SLC35F4: variants seen among roughly 807,000 people sequenced by gnomAD.
SLC35F4 encodes the protein chromosome 14 open reading frame 36.
A neutral mutation model predicts 44.2 loss-of-function variants in SLC35F4; 24 were observed. That is an observed-to-expected ratio of 0.54 (90% CI 0.39 to 0.76). The LOEUF is 0.76. SLC35F4 is among the 30% of genes least tolerant of loss of function. The pLI is 0.00. For synonymous variants in SLC35F4, 238 were observed against 223.6 expected, an observed-to-expected ratio of 1.06 and a Z score of -0.57; for missense variants, 562 against 586.1, an observed-to-expected ratio of 0.96 and a Z score of 0.42.
At chr14:57,609,588 T>A (rs1212695344) in intron 1 of SLC35F4, among the ~76,000 whole-genome samples, 2 of 152,244 alleles carry the variant, frequency 1.3e-5, no homozygotes, top group African/African-American at 4.8e-5. Flanking sequence ...GAATGCTTAA[T>A]GTGCTGTTGC....
chr14:57,768,569 C>A (rs764470371), intron 1 of SLC35F4, among the ~76,000 whole-genome samples: 4 of 152,208 alleles, frequency 2.6e-5, no homozygotes, highest in Middle Eastern at 3.2e-3. Flanking sequence ...TCCTACAAAT[C>A]CAAATTCTCG....
chr14:57,911,959 A>G (rs1889224146), intron 1 of SLC35F4, among the ~76,000 whole-genome samples: 1 of 152,036 alleles, frequency 6.6e-6, no homozygotes, highest in African/African-American at 2.4e-5. Context: ...TTTATTTAAC[A>G]GGTATAGGCT....
chr14:57,896,399 A>T (rs535571870), intron 1 of SLC35F4, among the ~76,000 whole-genome samples: 1 of 152,292 alleles, frequency 6.6e-6, no homozygotes, highest in South Asian at 2.1e-4. Flanking sequence ...AACAAGCAAA[A>T]CTAATTTATG....
At chr14:57,611,066 CTG>C (rs1219337152) in intron 1 of SLC35F4, among the ~76,000 whole-genome samples, 2 of 152,218 alleles carry the variant, frequency 1.3e-5, no homozygotes, top group Admixed American at 6.5e-5. Context: ...TATGGGCAAA[CTG>C]GGACTTAAAG....
upstream of SLC35F4, among the ~76,000 whole-genome samples, chr14:57,870,790 CTCTCCATTCACACTCT>C (rs1182423698): frequency 4.6e-5 from 7 of 152,232 alleles, no homozygotes; most frequent in South Asian, 6.2e-4. Flanking sequence ...TACACTTTCA[CTCTCCATTCACACTCT>C]TGGAGCTTCA....
At chr14:57,571,023 A>G (rs978137421) in intron 5 of SLC35F4, among the ~76,000 whole-genome samples, 1 of 152,204 alleles carries the variant, frequency 6.6e-6, no homozygotes, top group African/African-American at 2.4e-5. Context: ...CAATATGGAA[A>G]TAGACTTCAT....
chr14:57,695,898 ATAT>A (rs1427409822), intron 1 of SLC35F4, among the ~76,000 whole-genome samples: 1 of 152,216 alleles, frequency 6.6e-6, no homozygotes, highest in Non-Finnish European at 1.5e-5. Context: ...GGAGACTTTT[ATAT>A]TATTATTTTC....
rs148063179 is a variant in SLC35F4 at position 57,658,811 on chromosome 14, C to T, written c.104-64687G>A. 2.0e-3 allele frequency among the ~76,000 whole-genome samples: 308 copies of T among 152,258 alleles called. 2 individuals carry two copies. Among genetic ancestry groups the T allele is most frequent in the African/African-American group, 7.1e-3 (295 of 41,554 alleles). On this transcript the variant is annotated intron_variant, in intron 1 of 7. Transcript: ENST00000556826. ...GAAGGAAGGCCAACAAATCCTAAAA[C>T]GGTATCTAGCACAAAATGGAAAATA...
Position 57,899,681 on chromosome 14 carries a change from T to A in SLC35F4, n.282+82232A>T, listed in dbSNP as rs2347373. Among the ~76,000 whole-genome samples the A allele has an allele frequency of 1.0e-2, 1,521 of 152,296 alleles. 26 individuals carry two copies. Among genetic ancestry groups the A allele is most frequent in the African/African-American group, 0.035 (1,460 of 41,554 alleles). On this transcript the variant is annotated intron_variant and non_coding_transcript_variant, in intron 1 of 1. Transcript: ENST00000556568. ...ACTCAAGGGCTCAGATAAAGCTGTT[T>A]GCTGAGGTTTCCTCTCCCTGTCTCT... is the stretch of plus-strand genomic sequence containing the variant.
At chr14:57,658,666 C>G (rs1353528844) in intron 1 of SLC35F4, among the ~76,000 whole-genome samples, 1 of 152,058 alleles carries the variant, frequency 6.6e-6, no homozygotes. Context: ...AGTTTAAAAC[C>G]AGATATGGCT....
intron 1 of SLC35F4, among the ~76,000 whole-genome samples, chr14:57,710,177 C>T (rs990818153): frequency 1.3e-5 from 2 of 152,228 alleles, no homozygotes; most frequent in African/African-American, 4.8e-5. Context: ...GCTGCTTCAG[C>T]TCCAGCTATG....
intron 1 of SLC35F4, among the ~76,000 whole-genome samples, chr14:57,656,376 T>TATATATAC (rs1314183912): frequency 1.4e-5 from 1 of 74,024 alleles, no homozygotes; most frequent in African/African-American, 8.7e-5. Flanking sequence ...TATATATATA[T>TATATATAC]ACACACACAC....
intron 1 of SLC35F4, among the ~76,000 whole-genome samples, chr14:57,919,994 T>C (rs898738099): frequency 1.3e-5 from 2 of 152,188 alleles, no homozygotes; most frequent in Admixed American, 6.5e-5. Context: ...CCTCCTCTCA[T>C]GTTTGCTCAT....
intron 1 of SLC35F4, among the ~76,000 whole-genome samples, chr14:57,633,316 T>C (rs543828949): frequency 6.6e-6 from 1 of 152,212 alleles, no homozygotes; most frequent in African/African-American, 2.4e-5. Flanking sequence ...CAAATTATCT[T>C]CCAAAGGTGC....
chr14:57,752,285 T>C (rs924744927), intron 1 of SLC35F4, among the ~76,000 whole-genome samples: 4 of 152,114 alleles, frequency 2.6e-5, no homozygotes, highest in African/African-American at 9.7e-5. Flanking sequence ...TTGACTAAAG[T>C]CTAAGGTGTC....
chr14:57,699,409 T>C (rs2075474568), intron 1 of SLC35F4, among the ~76,000 whole-genome samples: 1 of 152,154 alleles, frequency 6.6e-6, no homozygotes, highest in Non-Finnish European at 1.5e-5. Context: ...GAATAGCAAA[T>C]GTTCAAGAGA....
intron 1 of SLC35F4, among the ~76,000 whole-genome samples, chr14:57,663,598 C>T (rs1023333408): frequency 6.6e-5 from 10 of 152,148 alleles, no homozygotes; most frequent in Non-Finnish European, 1.0e-4. Flanking sequence ...TCTGATACCT[C>T]GACACAATTG....
intron 1 of SLC35F4, among the ~76,000 whole-genome samples, chr14:57,771,214 T>G (rs1449231006): frequency 6.6e-6 from 1 of 152,212 alleles, no homozygotes; most frequent in Non-Finnish European, 1.5e-5. Flanking sequence ...TTATTAATTG[T>G]ACACTTACCT....
At chr14:57,962,635 T>TGA (rs1227624940) in intron 1 of SLC35F4, among the ~76,000 whole-genome samples, 1 of 152,198 alleles carries the variant, frequency 6.6e-6, no homozygotes, top group African/African-American at 2.4e-5. Context: ...GTCCATTAAA[T>TGA]AAGGTCATGA....
Sources: allele counts gnomAD v4.1 joint callset (sites outside exome capture counted in the v4.1 genomes callset), GRCh38; gene constraint gnomAD v4.1.1; transcripts MANE v1.5; gene names NCBI Gene and HGNC (gene_info 2026-07-23, HGNC 2026-07-21).